Variants in FNBP1 observed in about 807,000 individuals in gnomAD.
The protein encoded by FNBP1 is formin binding protein 1.
In FNBP1, 26 loss-of-function variants were observed where a neutral mutation model predicts 90.6. That is an observed-to-expected ratio of 0.29 (90% CI 0.21 to 0.40). The LOEUF (loss-of-function observed/expected upper bound fraction) is 0.40, where lower values mean the gene tolerates loss of function less well. Ranked by LOEUF, FNBP1 falls within the 10% of genes least tolerant of loss-of-function variation. The pLI, the probability that FNBP1 is intolerant of heterozygous loss-of-function variation, is 1.00. For synonymous variants in FNBP1, 260 were observed against 265.2 expected, an observed-to-expected ratio of 0.98 and a Z score of 0.19; for missense variants, 635 against 768.0, an observed-to-expected ratio of 0.83 and a Z score of 2.05.
Position 130,043,102 on chromosome 9 carries a change from C to G in FNBP1, c.-127G>C. 3.8e-6 allele frequency: 3 copies of G among 793,356 alleles called. No individual in the cohort carries two copies. Among genetic ancestry groups the G allele is most frequent in the East Asian group, 3.4e-5 (1 of 29,098 alleles). The allele number at this position is 793,356 out of a possible 1,614,324, so 49.1% of individuals were successfully genotyped here. ...AGCCCGGAGTCCGCGCGGCCTCCTC[C>G]GGCTCGCAGCTCCTCGCCCGGGGTC... On this transcript the variant is annotated 5_prime_UTR_variant, in exon 1 of 17. Transcript: ENST00000446176.
chr9:129,907,698 G>T (rs1200406572), intron 12 of FNBP1, among the ~76,000 whole-genome samples: 1 of 151,830 alleles, frequency 6.6e-6, no homozygotes, highest in Non-Finnish European at 1.5e-5. Flanking sequence ...CCTCCTCTAT[G>T]GCATCTCTGC....
chr9:130,028,859 T>A (rs2058570807), intron 1 of FNBP1, among the ~76,000 whole-genome samples: 1 of 152,162 alleles, frequency 6.6e-6, no homozygotes, highest in Non-Finnish European at 1.5e-5. Flanking sequence ...CCAGGCTGGA[T>A]CTCTTCCCTG....
chr9:129,902,338 C>A (rs1300132499), intron 13 of FNBP1, among the ~76,000 whole-genome samples: 3 of 152,140 alleles, frequency 2.0e-5, no homozygotes, highest in African/African-American at 7.2e-5. Context: ...TGGCTCACAG[C>A]TGTAATCCCA....
At chr9:129,984,097 G>T (rs1247677911) in intron 2 of FNBP1, among the ~76,000 whole-genome samples, 1 of 152,178 alleles carries the variant, frequency 6.6e-6, no homozygotes, top group African/African-American at 2.4e-5. Context: ...TGCAACAGAA[G>T]GTCTAGGGTG....
intron 1 of FNBP1, chr9:130,013,569 T>A (rs918070965): frequency 2.7e-6 from 1 of 374,578 alleles, no homozygotes; most frequent in African/African-American, 2.1e-5. Context: ...CTGTATGACA[T>A]CTCTAGGTAT....
chr9:129,918,684 C>A (rs542867280), intron 10 of FNBP1, among the ~76,000 whole-genome samples: 1 of 152,130 alleles, frequency 6.6e-6, no homozygotes, highest in Admixed American at 6.5e-5. Context: ...CCTTATGGAT[C>A]CATTTGTTAC....
At chr9:129,928,952 A>AT (rs1365845926) in intron 7 of FNBP1, among the ~76,000 whole-genome samples, 1 of 152,064 alleles carries the variant, frequency 6.6e-6, no homozygotes, top group East Asian at 1.9e-4. Context: ...TTAGCAGGGC[A>AT]TGGTGGTGCA....
chr9:129,890,487 C>CA lies in FNBP1; in HGVS notation c.*51dup. The CA allele has an allele frequency of 6.5e-7, 1 of 1,529,284 alleles. No homozygotes were observed. The highest frequency in any genetic ancestry group is 8.9e-7 in the Non-Finnish European group (1 of 1,120,470). The allele number at this position is 1,529,284 out of a possible 1,614,324, so 94.7% of individuals were successfully genotyped here. On this transcript the variant is annotated 3_prime_UTR_variant, in exon 17 of 17. Transcript: ENST00000446176. This position sits in a 1 kb window ranked among gnomAD's most constrained non-coding sequence, Gnocchi z 5.8. The stretch of plus-strand genomic sequence containing the variant: ...GGCGCTGGAGGCCTGTGGGAACAAG[C>CA]AGACGGAGGCTCCTCCAGGAAGGCT...
chr9:130,023,428 G>A (rs984683974), intron 1 of FNBP1, among the ~76,000 whole-genome samples: 2 of 152,160 alleles, frequency 1.3e-5, no homozygotes, highest in Admixed American at 1.3e-4. Context: ...CACACAATAG[G>A]GTTAGCTGAA....
Position 129,960,775 on chromosome 9 carries a change from G to C in FNBP1, c.346-2222C>G, listed in dbSNP as rs543786544. Among the ~76,000 whole-genome samples, 182 of 152,238 alleles carry C rather than the reference G, an allele frequency of 1.2e-3. 2 individuals are homozygous for C. The highest frequency in any genetic ancestry group is 0.012 in the Admixed American group (181 of 15,274). ...CCTGGAGATTACTGCAACTTGGACA[G>C]GTTGTAGGTAGCGAGCAGTGCAGGT... On this transcript the variant is annotated intron_variant, in intron 4 of 16. Coordinates refer to ENST00000446176, the MANE Select transcript of FNBP1 (RefSeq NM_015033.3).
At chr9:129,907,153 G>GT (rs1212983878) in intron 12 of FNBP1, among the ~76,000 whole-genome samples, 1 of 150,572 alleles carries the variant, frequency 6.6e-6, no homozygotes, top group Non-Finnish European at 1.5e-5. Flanking sequence ...CCTTTTGATT[G>GT]GCCCTTGCAT....
At chr9:130,040,544 C>G (rs1258424913) in intron 1 of FNBP1, among the ~76,000 whole-genome samples, 1 of 150,012 alleles carries the variant, frequency 6.7e-6, no homozygotes, top group Non-Finnish European at 1.5e-5. Context: ...TCGTTTGAAC[C>G]TGGGAGGCAG....
chr9:130,051,797 GTC>G, the FNBP1 span, among the ~76,000 whole-genome samples: 1 of 152,006 alleles, frequency 6.6e-6, no homozygotes, highest in African/African-American at 2.4e-5. Flanking sequence ...GGGCAACAGT[GTC>G]TCTGTCTCAA....
intron 12 of FNBP1, among the ~76,000 whole-genome samples, 158 bp downstream of exon 12, chr9:129,908,732 T>C (rs1362205561): frequency 6.6e-6 from 1 of 151,686 alleles, no homozygotes; most frequent in Non-Finnish European, 1.5e-5. Flanking sequence ...TTTATATTTT[T>C]AGTAGAGACG....
intron 1 of FNBP1, chr9:130,014,060 T>C (rs1329480314): frequency 4.4e-6 from 2 of 456,486 alleles, no homozygotes; most frequent in Non-Finnish European, 8.8e-6. Flanking sequence ...AGTCCAAAAA[T>C]AGGCAAAACT....
upstream of FNBP1, among the ~76,000 whole-genome samples, chr9:130,045,518 A>G (rs1049779599): frequency 6.6e-6 from 1 of 152,214 alleles, no homozygotes; most frequent in Non-Finnish European, 1.5e-5. Context: ...AGAAAGAGGA[A>G]GAGGAAGGGA....
intron 2 of FNBP1, among the ~76,000 whole-genome samples, chr9:129,981,261 T>A (rs1056279004): frequency 7.2e-5 from 11 of 151,940 alleles, no homozygotes; most frequent in African/African-American, 2.4e-4. Flanking sequence ...ATAATTTTTG[T>A]GCTTTTTAGT....
chr9:129,892,475 A>G (rs2131162707), intron 16 of FNBP1, among the ~76,000 whole-genome samples: 1 of 152,074 alleles, frequency 6.6e-6, no homozygotes, highest in Non-Finnish European at 1.5e-5. Context: ...GGGCCTAAGA[A>G]AACAGTGGCT....
chr9:129,896,939 C>A (rs924642757), intron 15 of FNBP1, among the ~76,000 whole-genome samples: 3 of 152,196 alleles, frequency 2.0e-5, no homozygotes, highest in African/African-American at 7.2e-5. Flanking sequence ...CCCAACTGCT[C>A]CTCTTTAAAC....
Sources: allele counts gnomAD v4.1 joint callset (sites outside exome capture counted in the v4.1 genomes callset), GRCh38; gene constraint gnomAD v4.1.1; non-coding constraint Gnocchi (gnomAD v3.1); transcripts MANE v1.5; gene names NCBI Gene and HGNC (gene_info 2026-07-23, HGNC 2026-07-21).